The following RNASEH2B variants were observed in gnomAD, a reference collection of about 807,000 sequenced individuals.
RNASEH2B encodes Aicardi-Goutieres syndrome 2 protein.
A neutral mutation model predicts 45.0 loss-of-function variants in RNASEH2B; 36 were observed. The observed-to-expected ratio is 0.80, with a 90% CI of 0.61 to 1.06. RNASEH2B has a LOEUF of 1.06. Among genes scored for constraint, RNASEH2B ranks in the 50% least tolerant of loss-of-function variants. RNASEH2B has a pLI of 0.00. For missense variants in RNASEH2B, 361 were observed against 360.3 expected (o/e 1.00, Z -0.02); for synonymous variants, 119 against 125.7 (o/e 0.95, Z 0.35).
intron 6 of RNASEH2B, 42 bp downstream of exon 6, chr13:50,943,436 C>G (rs1374653890): frequency 1.4e-6 from 2 of 1,399,600 alleles, no homozygotes; most frequent in Non-Finnish European, 2.0e-6. Context: ...AGTAAAAATT[C>G]AGTTCTCTAA....
At chr13:50,959,318 A>G (rs79284301), downstream of RNASEH2B, among the ~76,000 whole-genome samples, 1 of 152,242 alleles carries the variant, frequency 6.6e-6, no homozygotes, top group East Asian at 1.9e-4. Flanking sequence ...AGGTGTTTTT[A>G]GTTTTTATGT....
chr13:50,915,837 G>A (rs989606033), intron 1 of RNASEH2B, among the ~76,000 whole-genome samples: 4 of 152,200 alleles, frequency 2.6e-5, no homozygotes, highest in Non-Finnish European at 5.9e-5. Flanking sequence ...ATCTGTCCCC[G>A]AAACAGCTAA....
chr13:50,945,426 G>T lies in RNASEH2B; in HGVS notation c.511-1G>T. ...CCTTTCCCCTCTTGGTTGCTTCATA[G>T]GTTAATCAAACTGTGGCAGCATTAA... On this transcript the variant is annotated splice_acceptor_variant, in intron 6 of 10. Transcript: ENST00000336617. LOFTEE classifies it high-confidence loss of function. The T allele has an allele frequency of 6.2e-7, 1 of 1,608,358 alleles. No individual in the cohort carries two copies. The highest frequency in any genetic ancestry group is 8.5e-7 in the Non-Finnish European group (1 of 1,174,860).
chr13:50,917,611 G>A (rs1237934723), intron 1 of RNASEH2B, among the ~76,000 whole-genome samples: 1 of 152,134 alleles, frequency 6.6e-6, no homozygotes, highest in African/African-American at 2.4e-5. Context: ...TCACCATTTT[G>A]CATATCAGGA....
intron 9 of RNASEH2B, among the ~76,000 whole-genome samples, chr13:50,963,856 G>A (rs1376643363): frequency 6.6e-6 from 1 of 152,148 alleles, no homozygotes; most frequent in African/African-American, 2.4e-5. Flanking sequence ...TTCAGTCTGT[G>A]ATGGTACATT....
At chr13:50,944,276 A>G (rs1454410288) in intron 6 of RNASEH2B, among the ~76,000 whole-genome samples, 2 of 152,198 alleles carry the variant, frequency 1.3e-5, no homozygotes, top group Non-Finnish European at 2.9e-5. Flanking sequence ...TAGAATAATG[A>G]TAAAGTTTTT....
At chr13:50,969,566 C>T (rs1045142712) in intron 9 of RNASEH2B, among the ~76,000 whole-genome samples, 1 of 151,200 alleles carries the variant, frequency 6.6e-6, no homozygotes, top group African/African-American at 2.4e-5. Context: ...TTACTCATCT[C>T]AGAACGTTAC....
chr13:50,926,396 A>C (rs571397431), intron 1 of RNASEH2B, among the ~76,000 whole-genome samples: 1 of 152,138 alleles, frequency 6.6e-6, no homozygotes, highest in East Asian at 1.9e-4. Flanking sequence ...TACTAATCAG[A>C]GCCCCATTGT....
downstream of RNASEH2B, among the ~76,000 whole-genome samples, chr13:50,957,075 A>T (rs886718005): frequency 6.6e-6 from 1 of 151,632 alleles, no homozygotes; most frequent in Admixed American, 6.6e-5. Context: ...AAGGAATTAC[A>T]GTTACTTTGT....
At chr13:50,967,152 T>C (rs1048801554) in intron 9 of RNASEH2B, among the ~76,000 whole-genome samples, 3 of 152,170 alleles carry the variant, frequency 2.0e-5, no homozygotes, top group African/African-American at 7.2e-5. Context: ...CCTTTACACC[T>C]GGGAGGAAAG....
At chr13:50,953,777 C>G in intron 9 of RNASEH2B, 128 bp from the exon 10 acceptor site, 1 of 679,640 alleles carries the variant, frequency 1.5e-6, no homozygotes, top group South Asian at 1.7e-5. Flanking sequence ...AAAAGTAAGC[C>G]CTTTGCTGGG....
chr13:50,954,110 A>G, intron 10 of RNASEH2B, 125 bp downstream of exon 10: 1 of 718,012 alleles, frequency 1.4e-6, no homozygotes, highest in Non-Finnish European at 2.6e-6. Flanking sequence ...ATTAACTTGC[A>G]TTTCTGTGAC....
chr13:50,968,642 A>G (rs529824987), intron 9 of RNASEH2B, among the ~76,000 whole-genome samples: 2 of 152,312 alleles, frequency 1.3e-5, no homozygotes, highest in African/African-American at 4.8e-5. Flanking sequence ...TAAGAAAGGA[A>G]AAAAATCACA....
downstream of RNASEH2B, among the ~76,000 whole-genome samples, chr13:50,957,770 T>C (rs1952069934): frequency 6.6e-6 from 1 of 152,202 alleles, no homozygotes; most frequent in Non-Finnish European, 1.5e-5. Flanking sequence ...CATCATCTGT[T>C]ATTTTTTTAC....
At chr13:50,924,414 A>G (rs748153098) in intron 1 of RNASEH2B, among the ~76,000 whole-genome samples, 18 of 152,224 alleles carry the variant, frequency 1.2e-4, no homozygotes, top group Non-Finnish European at 2.4e-4. Context: ...CATGAAATCA[A>G]CTTTATGATA....
intron 1 of RNASEH2B, among the ~76,000 whole-genome samples, chr13:50,923,023 T>C (rs1353139668): frequency 6.6e-6 from 1 of 152,164 alleles, no homozygotes; most frequent in Non-Finnish European, 1.5e-5. Flanking sequence ...TTGAAAAGTA[T>C]AATAACAAAT....
chr13:50,957,723 C>A (rs1325783949), downstream of RNASEH2B, among the ~76,000 whole-genome samples: 1 of 152,170 alleles, frequency 6.6e-6, no homozygotes, highest in Non-Finnish European at 1.5e-5. Context: ...TTTACATTCT[C>A]ACCAAAAGTG....
At position 50,930,149 on chromosome 13, in the gene RNASEH2B, T is replaced by G. The variant is rs1951658144; in HGVS notation, c.245-534T>G. On this transcript the variant is annotated intron_variant, in intron 3 of 10. Coordinates refer to ENST00000336617, the MANE Select transcript of RNASEH2B (RefSeq NM_024570.4). ...GCCAACGGAACTGTTCTGCCTCATG[T>G]TCTGGGGTGGGGGCAGTCAGTGGCT... 5 of 222,824 alleles carry G rather than the reference T, an allele frequency of 2.2e-5. No homozygotes were observed. In the South Asian group the frequency reaches 3.3e-4, roughly 15 times the overall value. 13.8% of individuals were successfully genotyped at this position (222,824 alleles called of 1,614,324 possible). A position where few individuals can be genotyped will look rare whatever the true frequency, so the allele number is the denominator to read the frequency against.
In RNASEH2B at chr13:50,930,767, T is replaced by TC; in HGVS notation, c.321+10dup. On this transcript the variant is annotated intron_variant, in intron 4 of 10. Coordinates refer to ENST00000336617, the MANE Select transcript of RNASEH2B (RefSeq NM_024570.4). ...ATAAAGGCTGATAAGGAGGTGAGTTTCCAGCTCGGAGCATCCACAGTGAGG... is the reference window on the plus strand; with the variant it reads ...ATAAAGGCTGATAAGGAGGTGAGTTTCCCAGCTCGGAGCATCCACAGTGAGG... 5.0e-6 allele frequency: 8 copies of TC among 1,604,158 alleles called. No homozygotes were observed. The highest frequency in any genetic ancestry group is 6.8e-6 in the Non-Finnish European group (8 of 1,170,848).
Sources: allele counts gnomAD v4.1 joint callset (sites outside exome capture counted in the v4.1 genomes callset), GRCh38; gene constraint gnomAD v4.1.1; transcripts MANE v1.5; gene names NCBI Gene and HGNC (gene_info 2026-07-23, HGNC 2026-07-21).